Variants in MLLT3 observed in about 807,000 individuals in gnomAD.
MLLT3 encodes protein AF-9.
In MLLT3, 4 loss-of-function variants were observed where a neutral mutation model predicts 53.2. The ratio of observed to expected loss-of-function variants is 0.08; its 90% CI spans 0.04 to 0.17. The LOEUF is 0.17. Among genes scored for constraint, MLLT3 ranks in the 10% least tolerant of loss-of-function variants. The pLI, the probability that MLLT3 is intolerant of heterozygous loss-of-function variation, is 1.00. For synonymous variants in MLLT3, 283 were observed against 230.6 expected, an observed-to-expected ratio of 1.23 and a Z score of -2.06; for missense variants, 569 against 684.0, an observed-to-expected ratio of 0.83 and a Z score of 1.87.
chr9:20,433,464 A>G (rs1170780495), intron 4 of MLLT3, among the ~76,000 whole-genome samples: 2 of 152,062 alleles, frequency 1.3e-5, no homozygotes, highest in Non-Finnish European at 2.9e-5. Flanking sequence ...CTTCCAATAA[A>G]ACACTTATTA....
rs1823763323 is a variant in MLLT3, at chr9:20,448,552, A to C, written c.277-286T>G. 1.3e-5 allele frequency among the ~76,000 whole-genome samples: 2 copies of C among 152,010 alleles called. No homozygotes were observed. Among genetic ancestry groups the C allele is most frequent in the South Asian group, 4.1e-4 (2 of 4,824 alleles). ...AGGATACCAGCAACATAGCCACCCA[A>C]CTAGAAACCAAGCACATTCCTTCCT... On this transcript the variant is annotated intron_variant, in intron 3 of 10. Coordinates refer to ENST00000380338, the MANE Select transcript of MLLT3 (RefSeq NM_004529.4). This position sits in a 1 kb window ranked among gnomAD's most constrained non-coding sequence, Gnocchi z 4.0.
At chr9:20,370,759 C>A (rs141242613) in intron 5 of MLLT3, among the ~76,000 whole-genome samples, 82 of 152,254 alleles carry the variant, frequency 5.4e-4, no homozygotes, top group African/African-American at 1.8e-3. Context: ...GATCCACCTG[C>A]CTTGGCCTCC....
At chr9:20,395,286 A>G (rs1318151811) in intron 5 of MLLT3, among the ~76,000 whole-genome samples, 1 of 152,144 alleles carries the variant, frequency 6.6e-6, no homozygotes, top group African/African-American at 2.4e-5. Context: ...CTTCTCTTTC[A>G]TTATTATTAT....
At chr9:20,535,380 C>T (rs972121712) in intron 2 of MLLT3, among the ~76,000 whole-genome samples, 31 of 152,172 alleles carry the variant, frequency 2.0e-4, no homozygotes, top group African/African-American at 7.5e-4. Context: ...TTGGGGACCA[C>T]TGTTTTTCCA....
intron 2 of MLLT3, among the ~76,000 whole-genome samples, chr9:20,587,773 T>C (rs1478116523): frequency 6.6e-6 from 1 of 152,086 alleles, no homozygotes; most frequent in African/African-American, 2.4e-5. Flanking sequence ...TGAGAAAATT[T>C]TCTCCCATTT....
At chr9:20,372,115 A>T (rs1027419298) in intron 5 of MLLT3, among the ~76,000 whole-genome samples, 2 of 152,328 alleles carry the variant, frequency 1.3e-5, no homozygotes, top group South Asian at 4.1e-4. Context: ...TTGCAATCTC[A>T]TAAAATTTGA....
chr9:20,525,515 G>A (rs929052457), intron 2 of MLLT3, among the ~76,000 whole-genome samples: 1 of 152,012 alleles, frequency 6.6e-6, no homozygotes, highest in Non-Finnish European at 1.5e-5. Flanking sequence ...AAAAAATAAA[G>A]ACATCTTAGA....
intron 5 of MLLT3, among the ~76,000 whole-genome samples, chr9:20,367,477 A>G (rs181691851): frequency 1.3e-5 from 2 of 152,344 alleles, no homozygotes; most frequent in Admixed American, 1.3e-4. Context: ...AAGACGGTAC[A>G]TTAGGCCCTG....
At chr9:20,495,656 T>C (rs1427669863) in intron 2 of MLLT3, among the ~76,000 whole-genome samples, 1 of 152,200 alleles carries the variant, frequency 6.6e-6, no homozygotes, top group African/African-American at 2.4e-5. Flanking sequence ...GGTATATCTG[T>C]TCACCATTCT....
chr9:20,578,504 C>T (rs1308897533), intron 2 of MLLT3, among the ~76,000 whole-genome samples: 6 of 151,106 alleles, frequency 4.0e-5, no homozygotes, highest in African/African-American at 9.7e-5. Context: ...ACAGAAACTA[C>T]GTCTCTAAAA....
At chr9:20,568,706 C>T (rs1411184856) in intron 2 of MLLT3, among the ~76,000 whole-genome samples, 1 of 152,190 alleles carries the variant, frequency 6.6e-6, no homozygotes, top group Admixed American at 6.5e-5. Flanking sequence ...AAGTTAATTT[C>T]TTTTCCTGAA....
intron 2 of MLLT3, among the ~76,000 whole-genome samples, chr9:20,490,242 T>G (rs12683133): frequency 0.25 from 38,328 of 152,082 alleles, 5,216 homozygotes; most frequent in African/African-American, 0.35. Flanking sequence ...CAAATATAAG[T>G]TTACTAATCA....
chr9:20,511,542 G>A (rs191341535), intron 2 of MLLT3, among the ~76,000 whole-genome samples: 1 of 152,298 alleles, frequency 6.6e-6, no homozygotes, highest in Admixed American at 6.5e-5. Flanking sequence ...AAGGCGTTAT[G>A]CTATGAAGCA....
At chr9:20,547,508 G>C (rs1587055276) in intron 2 of MLLT3, among the ~76,000 whole-genome samples, 1 of 151,920 alleles carries the variant, frequency 6.6e-6, no homozygotes, top group Non-Finnish European at 1.5e-5. Context: ...AACTGGGTGT[G>C]GTGGTGGGCA....
intron 2 of MLLT3, among the ~76,000 whole-genome samples, chr9:20,482,328 T>G (rs1824684046): frequency 2.0e-5 from 3 of 152,344 alleles, no homozygotes; most frequent in South Asian, 2.1e-4. Flanking sequence ...GTTAGCCAGT[T>G]ATTTTTCTTC....
intron 8 of MLLT3, among the ~76,000 whole-genome samples, chr9:20,356,921 G>A (rs1821185013): frequency 6.6e-6 from 1 of 152,226 alleles, no homozygotes; most frequent in African/African-American, 2.4e-5. Flanking sequence ...AAGTTACTGA[G>A]TGGCTGCCCA....
intron 2 of MLLT3, among the ~76,000 whole-genome samples, chr9:20,538,307 A>G (rs904811976): frequency 2.0e-5 from 3 of 152,210 alleles, no homozygotes; most frequent in Admixed American, 1.3e-4. Context: ...TCTTCATTTT[A>G]CAGATAAGGC....
chr9:20,500,430 A>G (rs1342888183), intron 2 of MLLT3, among the ~76,000 whole-genome samples: 1 of 152,210 alleles, frequency 6.6e-6, no homozygotes, highest in South Asian at 2.1e-4. Context: ...CTATTGGCTG[A>G]AACAGGCACA....
At chr9:20,582,055 A>G (rs1279542631) in intron 2 of MLLT3, among the ~76,000 whole-genome samples, 1 of 152,228 alleles carries the variant, frequency 6.6e-6, no homozygotes, top group African/African-American at 2.4e-5. Flanking sequence ...CTTTTAAAAA[A>G]CCAATAAGCT....
Sources: gnomAD v4.1 joint callset for allele counts (sites outside exome capture counted in the v4.1 genomes callset) on GRCh38, gnomAD v4.1.1 for gene constraint, Gnocchi (gnomAD v3.1) non-coding constraint, MANE v1.5 for transcripts, NCBI Gene and HGNC (gene_info 2026-07-23, HGNC 2026-07-21) for gene names.